The following UNC5C variants were observed in gnomAD, a reference collection of about 807,000 sequenced individuals.
UNC5C encodes unc-5 netrin receptor C.
UNC5C carries 47 observed loss-of-function variants against 99.8 expected under a neutral mutation model. The observed-to-expected ratio is 0.47, with a 90% confidence interval of 0.37 to 0.60. The LOEUF (loss-of-function observed/expected upper bound fraction) is 0.60, where lower values mean the gene tolerates loss of function less well. Ranked by LOEUF, UNC5C falls within the 20% of genes least tolerant of loss-of-function variation. UNC5C has a pLI of 0.00. For synonymous variants in UNC5C, 487 were observed against 452.2 expected, an observed-to-expected ratio of 1.08 and a Z score of -0.98; for missense variants, 1,062 against 1,165.9, an observed-to-expected ratio of 0.91 and a Z score of 1.30.
chr4:95,279,126 G>C (rs188864257), intron 3 of UNC5C, among the ~76,000 whole-genome samples: 1 of 152,208 alleles, frequency 6.6e-6, no homozygotes, highest in East Asian at 1.9e-4. Flanking sequence ...AATACTCTAA[G>C]TGAGTTTCCA....
chr4:95,400,103 G>A (rs549256172), intron 1 of UNC5C, among the ~76,000 whole-genome samples: 3 of 152,220 alleles, frequency 2.0e-5, no homozygotes, highest in South Asian at 4.1e-4. Flanking sequence ...ACATTGTCAC[G>A]GTGAACACAT....
intron 2 of UNC5C, among the ~76,000 whole-genome samples, chr4:95,307,412 C>T (rs912910431): frequency 1.7e-4 from 26 of 152,024 alleles, no homozygotes; most frequent in African/African-American, 6.3e-4. Flanking sequence ...ATGTAAGAAA[C>T]GCAACACTTA....
intron 1 of UNC5C, among the ~76,000 whole-genome samples, chr4:95,460,404 A>C (rs981179742): frequency 2.0e-5 from 3 of 152,168 alleles, no homozygotes; most frequent in Admixed American, 2.0e-4. Flanking sequence ...GTCCACACCG[A>C]AAAGTCATCT....
intron 1 of UNC5C, among the ~76,000 whole-genome samples, chr4:95,412,436 A>G (rs1259266771): frequency 1.3e-5 from 2 of 152,118 alleles, no homozygotes; most frequent in Non-Finnish European, 2.9e-5. Flanking sequence ...GTCCCCTCCA[A>G]TCCTAGACTG....
At chr4:95,225,559 T>C (rs1033063430) in intron 7 of UNC5C, among the ~76,000 whole-genome samples, 5 of 152,144 alleles carry the variant, frequency 3.3e-5, no homozygotes, top group East Asian at 1.9e-4. Flanking sequence ...GTGTTTGCAT[T>C]TGAGGTTGTT....
intron 1 of UNC5C, among the ~76,000 whole-genome samples, chr4:95,476,028 A>G (rs994379397): frequency 4.6e-5 from 7 of 152,266 alleles, no homozygotes; most frequent in African/African-American, 1.7e-4. Context: ...TGAAGACCAT[A>G]TGATGAACTG....
chr4:95,213,368 C>T (rs1219200053), intron 10 of UNC5C, among the ~76,000 whole-genome samples: 1 of 152,224 alleles, frequency 6.6e-6, no homozygotes, highest in Non-Finnish European at 1.5e-5. Flanking sequence ...GAAATTGTAT[C>T]CACCAGGAAA....
chr4:95,448,016 G>A (rs888934940), intron 1 of UNC5C, among the ~76,000 whole-genome samples: 1 of 152,062 alleles, frequency 6.6e-6, no homozygotes, highest in African/African-American at 2.4e-5. Flanking sequence ...CTTTCCTGCT[G>A]ACACTTTCCA....
intron 1 of UNC5C, among the ~76,000 whole-genome samples, chr4:95,532,018 A>C (rs1417337804): frequency 6.6e-6 from 1 of 152,210 alleles, no homozygotes; most frequent in Non-Finnish European, 1.5e-5. Flanking sequence ...ACACCTCTTT[A>C]ATTCCCAATT....
At chr4:95,343,234 C>A (rs980722767) in intron 1 of UNC5C, among the ~76,000 whole-genome samples, 1 of 152,066 alleles carries the variant, frequency 6.6e-6, no homozygotes, top group Non-Finnish European at 1.5e-5. Context: ...TCAGGTCTGA[C>A]CCAGCATTGT....
At chr4:95,337,201 C>T (rs1387695891) in intron 1 of UNC5C, among the ~76,000 whole-genome samples, 1 of 151,830 alleles carries the variant, frequency 6.6e-6, no homozygotes, top group African/African-American at 2.4e-5. Flanking sequence ...TTAATTATTA[C>T]TATTTATGAA....
At chr4:95,482,229 A>T (rs931548071) in intron 1 of UNC5C, among the ~76,000 whole-genome samples, 1 of 151,504 alleles carries the variant, frequency 6.6e-6, no homozygotes, top group African/African-American at 2.4e-5. Flanking sequence ...AAAAGAAGAC[A>T]TTTATGCAGC....
At chr4:95,244,481 C>T (rs1296014230) in intron 6 of UNC5C, among the ~76,000 whole-genome samples, 7 of 152,114 alleles carry the variant, frequency 4.6e-5, no homozygotes, top group Admixed American at 4.6e-4. Context: ...ATCCATTATC[C>T]CAAGTACCAA....
intron 1 of UNC5C, among the ~76,000 whole-genome samples, chr4:95,377,794 T>C (rs1744940021): frequency 6.6e-6 from 1 of 152,122 alleles, no homozygotes; most frequent in African/African-American, 2.4e-5. Context: ...GGTGGATTAA[T>C]AGTAGCTCAA....
At chr4:95,527,938 T>G (rs1722540295) in intron 1 of UNC5C, among the ~76,000 whole-genome samples, 1 of 152,130 alleles carries the variant, frequency 6.6e-6, no homozygotes, top group Non-Finnish European at 1.5e-5. Context: ...ATACCAGAGC[T>G]TCAGAAATAT....
rs1385869343 is a variant in UNC5C, at chr4:95,166,494, C to T, written c.*2740G>A. 1 of 152,100 alleles carries T rather than the reference C, an allele frequency of 6.6e-6. No homozygotes were observed. The highest frequency in any genetic ancestry group is 1.9e-4 in the East Asian group (1 of 5,200). The allele number at this position is 152,100 out of a possible 1,614,324, so 9.4% of individuals were successfully genotyped here. On this transcript the variant is annotated 3_prime_UTR_variant, in exon 16 of 16. Transcript: ENST00000453304. ...ACCAAAAAAGCATCTGAAGTGAACC[C>T]CAAGGGTTCTCAGTGACTTCAGTAA...
intron 1 of UNC5C, among the ~76,000 whole-genome samples, chr4:95,536,342 C>G (rs1479344079): frequency 6.6e-6 from 1 of 152,098 alleles, no homozygotes; most frequent in East Asian, 1.9e-4. Flanking sequence ...TCCCAAAGTG[C>G]TAGGATTACA....
chr4:95,197,534 A>G (rs147090459), intron 12 of UNC5C, among the ~76,000 whole-genome samples: 2 of 152,182 alleles, frequency 1.3e-5, no homozygotes, highest in East Asian at 3.9e-4. Flanking sequence ...GCTGAAGTAA[A>G]AGGTTTGGAG....
At chr4:95,488,900 T>G (rs976115338) in intron 1 of UNC5C, among the ~76,000 whole-genome samples, 2 of 151,722 alleles carry the variant, frequency 1.3e-5, no homozygotes. Context: ...GGCTGTATCC[T>G]CAGAAAACAT....
Sources: allele counts gnomAD v4.1 joint callset (sites outside exome capture counted in the v4.1 genomes callset), GRCh38; gene constraint gnomAD v4.1.1; transcripts MANE v1.5; gene names NCBI Gene and HGNC (gene_info 2026-07-23, HGNC 2026-07-21).